Variants in DYM observed in about 807,000 individuals in gnomAD.
DYM encodes the protein dymeclin, also known as dyggve-Melchior-Clausen syndrome protein.
DYM carries 78 observed loss-of-function variants against 93.1 expected under a neutral mutation model. The observed-to-expected ratio is 0.84, with a 90% CI of 0.70 to 1.01. DYM has a LOEUF of 1.01. Ranked by LOEUF, DYM falls within the 50% of genes least tolerant of loss-of-function variation. The probability of loss-of-function intolerance (pLI) is 0.00; values close to 1 mark genes in which losing one functional copy is unlikely to be tolerated. For synonymous variants in DYM, 321 were observed against 319.7 expected (o/e 1.00, Z -0.04); for missense variants, 789 against 845.0 (o/e 0.93, Z 0.82).
At chr18:49,198,297 A>T (rs573411059) in intron 14 of DYM, among the ~76,000 whole-genome samples, 258 of 152,280 alleles carry the variant, frequency 1.7e-3, no homozygotes, top group African/African-American at 5.9e-3. Context: ...AACCTAGGCA[A>T]TACCATTCAG....
chr18:49,311,307 AC>A (rs929990786), intron 8 of DYM, among the ~76,000 whole-genome samples: 1 of 152,246 alleles, frequency 6.6e-6, no homozygotes, highest in Non-Finnish European at 1.5e-5. Context: ...TGAGATCCAC[AC>A]CAAGAGTATA....
At chr18:49,333,989 T>TAA (rs1227053090) in intron 6 of DYM, 136 bp from the exon 7 acceptor site, 4 of 957,114 alleles carry the variant, frequency 4.2e-6, no homozygotes, top group Non-Finnish European at 6.1e-6. Flanking sequence ...TTAATACGTT[T>TAA]AATACAAAAA....
chr18:49,317,646 C>CTCCG (rs2062090932), intron 8 of DYM, among the ~76,000 whole-genome samples: 1 of 36,564 alleles, frequency 2.7e-5, no homozygotes, highest in African/African-American at 1.1e-4. Context: ...ATCCTCTCCT[C>CTCCG]TCCTTCCTTC....
chr18:49,117,188 C>T (rs1055838379), intron 16 of DYM, among the ~76,000 whole-genome samples: 7 of 152,092 alleles, frequency 4.6e-5, no homozygotes, highest in Non-Finnish European at 5.9e-5. Flanking sequence ...TAAATGATGT[C>T]GATATAAGTT....
chr18:49,052,971 T>TA lies in DYM; in HGVS notation c.2026-8768dup, dbSNP rs148412711. On this transcript the variant is annotated intron_variant, in intron 17 of 17. Transcript: ENST00000675505. The stretch of plus-strand genomic sequence containing the variant: ...GGCTTTCACGCTTCTCTTTCCGAGA[T>TA]ACTTGTCCTGTGACACAGCTCAACA... Among the ~76,000 whole-genome samples, 163 of 152,356 alleles carry TA rather than the reference T, an allele frequency of 1.1e-3. 3 individuals are homozygous for TA. In the East Asian group the frequency reaches 0.023, roughly 22 times the overall value.
chr18:49,233,132 C>T (rs949346438), intron 13 of DYM, among the ~76,000 whole-genome samples: 7 of 151,844 alleles, frequency 4.6e-5, no homozygotes, highest in African/African-American at 1.5e-4. Context: ...GAGGCCAAGG[C>T]GGGTGGATCA....
chr18:49,294,632 T>TA (rs967688338), intron 8 of DYM, among the ~76,000 whole-genome samples: 16 of 152,100 alleles, frequency 1.1e-4, no homozygotes, highest in Non-Finnish European at 2.1e-4. Flanking sequence ...ACCTCATTTT[T>TA]AAAAAATGAA....
At chr18:49,207,558 T>A (rs1052816549) in intron 14 of DYM, among the ~76,000 whole-genome samples, 1 of 152,214 alleles carries the variant, frequency 6.6e-6, no homozygotes, top group African/African-American at 2.4e-5. Context: ...GAGTACCTTT[T>A]ATAACATGAA....
At chr18:49,333,327 A>G (rs2063443996) in intron 7 of DYM, among the ~76,000 whole-genome samples, 1 of 152,232 alleles carries the variant, frequency 6.6e-6, no homozygotes, top group African/African-American at 2.4e-5. Context: ...AGGCTGCTGG[A>G]GAAGTCCAAA....
At chr18:49,297,038 G>C (rs2060610009) in intron 8 of DYM, among the ~76,000 whole-genome samples, 2 of 152,102 alleles carry the variant, frequency 1.3e-5, no homozygotes, top group South Asian at 4.1e-4. Context: ...TGTTTTTAAA[G>C]TGTACAAGTA....
At chr18:49,292,240 C>A (rs1189414749) in intron 8 of DYM, among the ~76,000 whole-genome samples, 1 of 151,898 alleles carries the variant, frequency 6.6e-6, no homozygotes, top group Non-Finnish European at 1.5e-5. Context: ...CTTCTAATGT[C>A]AGATAAACTA....
At chr18:49,432,343 A>G (rs2080406830) in intron 1 of DYM, among the ~76,000 whole-genome samples, 2 of 151,216 alleles carry the variant, frequency 1.3e-5, no homozygotes, top group Non-Finnish European at 1.5e-5. Context: ...AAAAAAAAAA[A>G]AAAAAGAAAG....
chr18:49,240,581 G>A (rs1230177298), intron 13 of DYM, among the ~76,000 whole-genome samples: 3 of 152,130 alleles, frequency 2.0e-5, no homozygotes, highest in Non-Finnish European at 4.4e-5. Context: ...TAAATTATTA[G>A]GAAGTTGTCA....
intron 16 of DYM, among the ~76,000 whole-genome samples, chr18:49,107,451 A>G (rs1369287859): frequency 6.6e-6 from 1 of 152,078 alleles, no homozygotes; most frequent in Non-Finnish European, 1.5e-5. Context: ...GCTGGTGAGG[A>G]GCTGCGTTCC....
intron 8 of DYM, among the ~76,000 whole-genome samples, chr18:49,327,027 GT>G (rs2062934082): frequency 7.2e-6 from 1 of 139,594 alleles, no homozygotes; most frequent in African/African-American, 2.7e-5. Context: ...GTGTGTGTGT[GT>G]GTGTGTGTGG....
intron 10 of DYM, among the ~76,000 whole-genome samples, chr18:49,273,832 G>GGCTAC (rs2094776216): frequency 1.3e-5 from 1 of 76,494 alleles, no homozygotes; most frequent in Non-Finnish European, 2.9e-5. Flanking sequence ...TTTTTTTTTT[G>GGCTAC]GCTACGCCTG....
At chr18:49,167,411 A>G (rs2088045340) in intron 14 of DYM, among the ~76,000 whole-genome samples, 1 of 152,192 alleles carries the variant, frequency 6.6e-6, no homozygotes, top group Admixed American at 6.5e-5. Flanking sequence ...AGATCATTTG[A>G]GGTCACATTC....
chr18:49,046,098 ACACC>A (rs992331931), intron 17 of DYM, among the ~76,000 whole-genome samples: 7 of 148,840 alleles, frequency 4.7e-5, no homozygotes, highest in East Asian at 3.9e-4. Flanking sequence ...ACACACACAC[ACACC>A]CACACCCACA....
chr18:49,200,358 C>T (rs1350940927), intron 14 of DYM, among the ~76,000 whole-genome samples: 1 of 151,814 alleles, frequency 6.6e-6, no homozygotes, highest in Non-Finnish European at 1.5e-5. Flanking sequence ...TGGACACATA[C>T]ATAATTTTTA....
Sources: allele counts gnomAD v4.1 joint callset (sites outside exome capture counted in the v4.1 genomes callset), GRCh38; gene constraint gnomAD v4.1.1; transcripts MANE v1.5; gene names NCBI Gene and HGNC (gene_info 2026-07-23, HGNC 2026-07-21).